C16orf90: variants seen among roughly 807,000 people sequenced by gnomAD.
C16orf90 encodes chromosome 16 open reading frame 90, also known as uncharacterized protein C16orf90.
C16orf90 carries 17 observed loss-of-function variants against 17.1 expected under a neutral mutation model. The ratio of observed to expected loss-of-function variants is 1.00; its 90% CI spans 0.68 to 1.49. The LOEUF (loss-of-function observed/expected upper bound fraction) is 1.49. Ranked by LOEUF, C16orf90 falls within the 40% of genes most tolerant of loss-of-function variation. C16orf90 has a pLI of 0.00. For missense variants in C16orf90, 255 were observed against 235.5 expected, an observed-to-expected ratio of 1.08 and a Z score of -0.54; for synonymous variants, 108 against 95.8, an observed-to-expected ratio of 1.13 and a Z score of -0.75.
Position 3,495,390 on chromosome 16 carries a change from A to T in C16orf90, c.32T>A (p.Leu11Gln), listed in dbSNP as rs1319701618. 2 of 1,609,434 alleles carry T rather than the reference A, an allele frequency of 1.2e-6. No individual in the cohort carries two copies. The highest frequency in any genetic ancestry group is 2.7e-5 in the African/African-American group (2 of 74,886). The part of the protein sequence containing the change: MEALVCAFSE[L>Q]HIREDAVSQA... ...CAGCCCGGCACCTTCTCTTATGTGC[A>T]GCTCAGAAAATGCACAGACCAAGGC... is the stretch of plus-strand genomic sequence containing the variant. The change falls in exon 1 of 3, where the codon CTG (leucine) becomes CAG (glutamine). Residue 11 changes from leucine to glutamine, a missense_variant. Physicochemically the swap from Leu to Gln is moderately radical, Grantham distance 113. Coordinates refer to ENST00000437192, the MANE Select transcript of C16orf90 (RefSeq NM_001080524.2).
In C16orf90 at chr16:3,494,794, G is replaced by A; in HGVS notation, c.130C>T (p.Pro44Ser). ...IYEGGLGSPQPQCPSAQGSKP... is the reference protein window; with the variant it reads ...IYEGGLGSPQSQCPSAQGSKP... The stretch of plus-strand genomic sequence containing the variant: ...CTTCCCTGGGCACTGGGGCACTGCG[G>A]CTGCGGGGACCCCAGGCCCCCCTCG... Residue 44 changes from proline to serine, a missense_variant, in exon 2 of 3, where the codon CCG (proline) becomes TCG (serine). Transcript: ENST00000437192. 6.3e-7 allele frequency: 1 copy of A among 1,586,252 alleles called. No individual in the cohort carries two copies. The highest frequency in any genetic ancestry group is 1.8e-5 in the Admixed American group (1 of 55,754).
At chr16:3,496,175 G>T, upstream of C16orf90, 1 of 512,228 alleles carries the variant, frequency 2.0e-6, no homozygotes, top group Non-Finnish European at 3.7e-6. Context: ...CATCTTTCCG[G>T]ACCTGGCCAA....
Position 3,493,886 on chromosome 16 carries a change from A to G in C16orf90, c.502T>C (p.Cys168Arg), listed in dbSNP as rs367772273. The G allele has an allele frequency of 2.5e-6, 4 of 1,608,062 alleles. No homozygotes were observed. The highest frequency in any genetic ancestry group is 3.4e-6 in the Non-Finnish European group (4 of 1,177,478). ...RSWGTWEEAM[C>R]PLCKRTRSGA... The stretch of plus-strand genomic sequence containing the variant: ...GAGCGGGTTCTCTTGCACAAGGGAC[A>G]CATGGCCTCTTCCCAGGTCCCCCAG... The change falls in exon 3 of 3, where the codon TGT becomes CGT. Residue 168 changes from cysteine (C) to arginine (R), a missense_variant. Cys to Arg is a radical substitution (Grantham distance 180, BLOSUM62 -3). Coordinates refer to ENST00000437192, the MANE Select transcript of C16orf90 (RefSeq NM_001080524.2).
At chr16:3,496,508 T>C, upstream of C16orf90, 3 of 609,616 alleles carry the variant, frequency 4.9e-6, no homozygotes, top group Non-Finnish European at 3.1e-6. Flanking sequence ...TTAAGGTGTG[T>C]GCGCTGCCCG....
At position 3,494,837 on chromosome 16, in the gene C16orf90, G is replaced by C; in HGVS notation, c.87C>G (p.Asp29Glu). 6.5e-7 allele frequency: 1 copy of C among 1,541,388 alleles called. No individual in the cohort carries two copies. The highest frequency in any genetic ancestry group is 8.7e-7 in the Non-Finnish European group (1 of 1,149,008). ...CCCCCTCGTAGATGTTGGGGGGTGCGTCAGGGTGGCCGGGGCGTCCTTGGG... is the reference window on the plus strand; with the variant it reads ...CCCCCTCGTAGATGTTGGGGGGTGCCTCAGGGTGGCCGGGGCGTCCTTGGG... The part of the protein sequence containing the change: ...SQAQGRPGHP[D>E]APPNIYEGGL... The change falls in exon 2 of 3, where the codon GAC becomes GAG. Residue 29 changes from aspartate to glutamate, a missense_variant. Asp to Glu is a conservative substitution (Grantham distance 45, BLOSUM62 2). Transcript: ENST00000437192.
chr16:3,494,487 C>G (rs780458844), intron 2 of C16orf90, 37 bp downstream of exon 2: 1 of 1,572,762 alleles, frequency 6.4e-7, no homozygotes, highest in South Asian at 1.1e-5. Context: ...CCCCTAGGGT[C>G]TTCCCCCGTG....
At chr16:3,494,402 G>C (rs2037274504) in intron 2 of C16orf90, 122 bp downstream of exon 2, 1 of 764,900 alleles carries the variant, frequency 1.3e-6, no homozygotes, top group Non-Finnish European at 2.2e-6. Flanking sequence ...TCAAGATCTT[G>C]GCCTTCTGGG....
At chr16:3,494,920 G>A in intron 1 of C16orf90, 43 bp from the exon 2 acceptor site, 1 of 1,377,458 alleles carries the variant, frequency 7.3e-7, no homozygotes, top group East Asian at 2.4e-5. Context: ...GCCCCCCACA[G>A]CAGCCATGAG....
chr16:3,496,376 C>G (rs1216112146), upstream of C16orf90: 7 of 1,182,734 alleles, frequency 5.9e-6, no homozygotes, highest in South Asian at 4.8e-5. Flanking sequence ...TCGCACCAAC[C>G]GGCCACCTCT....
At chr16:3,496,173 C>T, upstream of C16orf90, 1 of 502,800 alleles carries the variant, frequency 2.0e-6, no homozygotes, top group Non-Finnish European at 3.8e-6. Context: ...TTCATCTTTC[C>T]GGACCTGGCC....
chr16:3,495,504 C>T, upstream of C16orf90: 7 of 1,560,008 alleles, frequency 4.5e-6, no homozygotes, highest in Non-Finnish European at 6.1e-6. Flanking sequence ...GGTACATTGG[C>T]AGGTCTCCCC....
In C16orf90 at chr16:3,494,571, G is replaced by A; in HGVS notation, c.353C>T (p.Ser118Leu). 1 of 1,612,906 alleles carries A rather than the reference G, an allele frequency of 6.2e-7. No individual in the cohort carries two copies. Among genetic ancestry groups the A allele is most frequent in the Non-Finnish European group, 8.5e-7 (1 of 1,179,872 alleles). ...GTLGPRNSLC[S>L]ALLEARLPRD... ...GGGCAATCGGGCTTCCAGAAGGGCT[G>A]AACAGAGGCTGTTACGTGGGCCCAG... The change falls in exon 2 of 3, where the codon TCA becomes TTA. Residue 118 changes from serine (S) to leucine (L), a missense_variant. By Grantham distance (145) the Ser-to-Leu change is moderately radical (BLOSUM62 -2). Transcript: ENST00000437192.
chr16:3,495,260 A>G, intron 1 of C16orf90, 116 bp downstream of exon 1: 2 of 1,233,998 alleles, frequency 1.6e-6, no homozygotes, highest in Non-Finnish European at 2.3e-6. Flanking sequence ...GGCCTGGCCC[A>G]GTGGCCATTC....
chr16:3,496,360 T>C (rs1596376960), upstream of C16orf90: 1 of 1,213,268 alleles, frequency 8.2e-7, no homozygotes, highest in Non-Finnish European at 1.2e-6. Flanking sequence ...AGAGGTTGTT[T>C]ATGAGTCGCA....
At chr16:3,495,648 T>C (rs1403084511), upstream of C16orf90, 1 of 484,132 alleles carries the variant, frequency 2.1e-6, no homozygotes, top group Non-Finnish European at 2.7e-6. Context: ...CTGGGGGAAG[T>C]CCCTGGTCCC....
Position 3,493,787 on chromosome 16 carries a change from G to C in C16orf90, c.*52C>G. Reference sequence around the variant, plus strand: ...GGGCCGAGCCCCTCCTGCTCAGGCTGCCTCCTCGGCCATCCTGCCCCTCCT... The same window carrying C: ...GGGCCGAGCCCCTCCTGCTCAGGCTCCCTCCTCGGCCATCCTGCCCCTCCT... On this transcript the variant is annotated 3_prime_UTR_variant, in exon 3 of 3. Coordinates refer to ENST00000437192, the MANE Select transcript of C16orf90 (RefSeq NM_001080524.2). The C allele has an allele frequency of 6.5e-7, 1 of 1,528,380 alleles. No homozygotes were observed. The highest frequency in any genetic ancestry group is 8.8e-7 in the Non-Finnish European group (1 of 1,130,898). The allele number at this position is 1,528,380 out of a possible 1,614,324, so 94.7% of individuals were successfully genotyped here. A position where few individuals can be genotyped will look rare whatever the true frequency, so the allele number is the denominator to read the frequency against.
At chr16:3,494,981 C>A (rs2037287665) in intron 1 of C16orf90, 104 bp from the exon 2 acceptor site, 1 of 888,228 alleles carries the variant, frequency 1.1e-6, no homozygotes, top group Non-Finnish European at 1.7e-6. Context: ...ATGGGCTACA[C>A]CCCCAGCCAA....
intron 2 of C16orf90, 120 bp downstream of exon 2, chr16:3,494,404 C>G: frequency 1.3e-6 from 1 of 794,310 alleles, no homozygotes. Context: ...AAGATCTTGG[C>G]CTTCTGGGGC....
chr16:3,496,402 G>T, upstream of C16orf90: 1 of 1,098,738 alleles, frequency 9.1e-7, no homozygotes, highest in Non-Finnish European at 1.3e-6. Flanking sequence ...TTTCCCGGAT[G>T]ATCCGGAAGA....
Sources: gnomAD v4.1 joint callset for allele counts on GRCh38, gnomAD v4.1.1 for gene constraint, MANE v1.5 for transcripts, NCBI Gene and HGNC (gene_info 2026-07-23, HGNC 2026-07-21) for gene names.